The following BAZ2B variants were observed in gnomAD, a reference collection of about 807,000 sequenced individuals.
The protein encoded by BAZ2B is bromodomain adjacent to zinc finger domain 2B, also known as bromodomain adjacent to zinc finger domain protein 2B.
A neutral mutation model predicts 246.0 loss-of-function variants in BAZ2B; 91 were observed. The observed-to-expected ratio is 0.37, with a 90% CI of 0.31 to 0.44. The LOEUF (loss-of-function observed/expected upper bound fraction) is 0.44. Ranked by LOEUF, BAZ2B falls within the 20% of genes least tolerant of loss-of-function variation. BAZ2B has a pLI of 1.00. For synonymous variants in BAZ2B, 855 were observed against 860.0 expected (o/e 0.99, Z 0.10); for missense variants, 2,332 against 2,533.7 (o/e 0.92, Z 1.71).
chr2:159,406,969 T>C (rs1409845751), intron 14 of BAZ2B, among the ~76,000 whole-genome samples: 2 of 151,872 alleles, frequency 1.3e-5, no homozygotes, highest in African/African-American at 2.4e-5. Context: ...TTAGACAGGA[T>C]GGTCTCGATC....
the BAZ2B span, among the ~76,000 whole-genome samples, chr2:159,669,422 G>T: frequency 6.6e-6 from 1 of 152,022 alleles, no homozygotes; most frequent in African/African-American, 2.4e-5. Flanking sequence ...AGTTATTTAG[G>T]TATAGTATTC....
the BAZ2B span, among the ~76,000 whole-genome samples, chr2:159,637,416 C>A: frequency 6.6e-6 from 1 of 152,168 alleles, no homozygotes; most frequent in East Asian, 1.9e-4. Flanking sequence ...CCTGGCAGAA[C>A]CTGCCATGGA....
At chr2:159,710,058 A>G in the BAZ2B span, among the ~76,000 whole-genome samples, 2 of 152,198 alleles carry the variant, frequency 1.3e-5, no homozygotes, top group Non-Finnish European at 2.9e-5. Context: ...CTCTGTGGAT[A>G]AAAGGCAAGC....
the BAZ2B span, among the ~76,000 whole-genome samples, chr2:159,666,406 C>T: frequency 2.0e-5 from 3 of 151,814 alleles, no homozygotes; most frequent in African/African-American, 7.3e-5. Context: ...ACTACAGGCG[C>T]ACACCACCAT....
chr2:159,345,218 A>T (rs1239501145), intron 31 of BAZ2B, among the ~76,000 whole-genome samples: 1 of 152,126 alleles, frequency 6.6e-6, no homozygotes, highest in Non-Finnish European at 1.5e-5. Flanking sequence ...TCTCAAAAAA[A>T]AAAAAAGAAT....
At chr2:159,376,474 G>C (rs1419908655) in intron 25 of BAZ2B, among the ~76,000 whole-genome samples, 23 of 151,970 alleles carry the variant, frequency 1.5e-4, no homozygotes, top group Non-Finnish European at 7.4e-5. Context: ...CCCAAACTTA[G>C]GGAACCCAGT....
intron 2 of BAZ2B, among the ~76,000 whole-genome samples, chr2:159,545,132 T>C (rs557132934): frequency 6.6e-6 from 1 of 152,370 alleles, no homozygotes; most frequent in East Asian, 1.9e-4. Context: ...ACTGTAACTT[T>C]AGGCAATAGC....
intron 9 of BAZ2B, 108 bp from the exon 10 acceptor site, chr2:159,431,264 T>C (rs1029472199): frequency 7.0e-7 from 1 of 1,419,150 alleles, no homozygotes; most frequent in African/African-American, 1.4e-5. Flanking sequence ...GAATGAGAAC[T>C]CAAATGAGCA....
chr2:159,462,894 C>T, intron 3 of BAZ2B: 1 of 1,597,298 alleles, frequency 6.3e-7, no homozygotes, highest in Non-Finnish European at 8.6e-7. Flanking sequence ...ACAGGATTCT[C>T]TCCAAGACTT....
chr2:159,608,933 T>C (rs901038249), intron 1 of BAZ2B, among the ~76,000 whole-genome samples: 1 of 152,170 alleles, frequency 6.6e-6, no homozygotes, highest in African/African-American at 2.4e-5. Context: ...CTTCATCATC[T>C]AGTGTGGGGA....
intron 2 of BAZ2B, among the ~76,000 whole-genome samples, chr2:159,521,222 A>C (rs1369286231): frequency 6.6e-6 from 1 of 152,128 alleles, no homozygotes; most frequent in African/African-American, 2.4e-5. Flanking sequence ...GATAATTATC[A>C]TGGTTACATT....
rs781413327 is a variant in BAZ2B, at chr2:159,385,138, C to T, written c.3686+17G>A. ...TCAAAATGGAAAAATCACGGAAAAG[C>T]CTGGGCATATGCTCACCTGACCACA... On this transcript the variant is annotated intron_variant, in intron 23 of 36. Transcript: ENST00000392783. 3 of 1,590,816 alleles carry T rather than the reference C, an allele frequency of 1.9e-6. No individual in the cohort carries two copies. Among genetic ancestry groups the T allele is most frequent in the South Asian group, 1.1e-5 (1 of 89,674 alleles).
intron 26 of BAZ2B, 49 bp downstream of exon 26, chr2:159,374,642 T>C (rs1284862488): frequency 6.6e-7 from 1 of 1,516,718 alleles, no homozygotes; most frequent in South Asian, 1.1e-5. Flanking sequence ...ACAATGTAGA[T>C]TTCTAAAACA....
intron 1 of BAZ2B, among the ~76,000 whole-genome samples, chr2:159,557,427 C>T (rs1012404396): frequency 6.6e-6 from 1 of 152,124 alleles, no homozygotes; most frequent in African/African-American, 2.4e-5. Flanking sequence ...CCTCTGTTAC[C>T]TGGTGCCCTG....
At chr2:159,651,045 A>T in the BAZ2B span, among the ~76,000 whole-genome samples, 1 of 151,538 alleles carries the variant, frequency 6.6e-6, no homozygotes, top group Admixed American at 6.6e-5. Context: ...TTTATTAACT[A>T]GCCTTAAAAT....
chr2:159,365,984 A>T (rs1187148140), intron 27 of BAZ2B, among the ~76,000 whole-genome samples: 1 of 152,182 alleles, frequency 6.6e-6, no homozygotes, highest in African/African-American at 2.4e-5. Flanking sequence ...GGGATTTGTT[A>T]TGCTTAACAT....
chr2:159,362,508 G>C (rs2059822122), intron 27 of BAZ2B, among the ~76,000 whole-genome samples: 1 of 152,182 alleles, frequency 6.6e-6, no homozygotes, highest in African/African-American at 2.4e-5. Flanking sequence ...TGGGAATCCT[G>C]TGTACGGTTA....
chr2:159,582,765 C>G (rs1211214050), intron 1 of BAZ2B, among the ~76,000 whole-genome samples: 2 of 152,176 alleles, frequency 1.3e-5, no homozygotes, highest in Admixed American at 1.3e-4. Flanking sequence ...CACATTTCTT[C>G]TAATACAATG....
chr2:159,649,929 T>G, the BAZ2B span, among the ~76,000 whole-genome samples: 7 of 152,176 alleles, frequency 4.6e-5, no homozygotes, highest in African/African-American at 1.7e-4. Flanking sequence ...ATTCTTCTCT[T>G]TATGCCTTCC....
Sources: gnomAD v4.1 joint callset for allele counts (sites outside exome capture counted in the v4.1 genomes callset) on GRCh38, gnomAD v4.1.1 for gene constraint, MANE v1.5 for transcripts, NCBI Gene and HGNC (gene_info 2026-07-23, HGNC 2026-07-21) for gene names.